RASAL2: variants seen among roughly 807,000 people sequenced by gnomAD.
RASAL2 encodes the protein RAS protein activator like 2.
Under a neutral mutation model 128.9 loss-of-function variants are expected in RASAL2, and 58 were observed. The ratio of observed to expected loss-of-function variants is 0.45; its 90% confidence interval spans 0.36 to 0.56. The LOEUF is 0.56. Ranked by LOEUF, RASAL2 falls within the 20% of genes least tolerant of loss-of-function variation. RASAL2 has a pLI of 0.00. For missense variants in RASAL2, 1,360 were observed against 1,601.6 expected, an observed-to-expected ratio of 0.85 and a Z score of 2.57; for synonymous variants, 561 against 580.8, an observed-to-expected ratio of 0.97 and a Z score of 0.49.
chr1:178,192,240 T>G (rs1039769746), intron 1 of RASAL2, among the ~76,000 whole-genome samples: 3 of 152,204 alleles, frequency 2.0e-5, no homozygotes, highest in African/African-American at 7.2e-5. Flanking sequence ...TGTTAATATT[T>G]GGTATCTTGT....
At chr1:178,465,401 G>A (rs1647566550) in intron 15 of RASAL2, among the ~76,000 whole-genome samples, 1 of 152,184 alleles carries the variant, frequency 6.6e-6, no homozygotes, top group South Asian at 2.1e-4. Flanking sequence ...GCTGATTCTA[G>A]TAGAACAAAG....
intron 3 of RASAL2, among the ~76,000 whole-genome samples, chr1:178,331,088 CCTA>C (rs1336837745): frequency 6.6e-6 from 1 of 152,172 alleles, no homozygotes; most frequent in Non-Finnish European, 1.5e-5. Context: ...GGAATTTGGC[CCTA>C]AAGTCAGTCC....
chr1:178,306,521 A>G (rs1272578231), intron 3 of RASAL2, among the ~76,000 whole-genome samples: 2 of 152,102 alleles, frequency 1.3e-5, no homozygotes, highest in African/African-American at 4.8e-5. Context: ...CCAATAGTGT[A>G]AAAGTGTTCC....
At chr1:178,349,231 C>G (rs1322886174) in intron 3 of RASAL2, among the ~76,000 whole-genome samples, 1 of 144,614 alleles carries the variant, frequency 6.9e-6, no homozygotes, top group Non-Finnish European at 1.5e-5. Flanking sequence ...CCGTCCTGGC[C>G]AACATGGTGA....
At position 178,245,784 on chromosome 1, in the gene RASAL2, A is replaced by C. The variant is rs1571696085; in HGVS notation, c.203-37780A>C. On this transcript the variant is annotated intron_variant, in intron 1 of 17. Transcript: ENST00000367649. Reference sequence around the variant, plus strand: ...GGGGTCCAGTTTCTGTTTTCTGCATACGGCTAGCCAGTTTTCCCAGCACCA... The same window carrying C: ...GGGGTCCAGTTTCTGTTTTCTGCATCCGGCTAGCCAGTTTTCCCAGCACCA... Among the ~76,000 whole-genome samples the C allele has an allele frequency of 2.6e-5, 4 of 152,212 alleles. No individual in the cohort carries two copies. The East Asian group carries it at 7.7e-4, about 29-fold the overall frequency.
At chr1:178,181,899 A>G (rs1273369763) in intron 1 of RASAL2, among the ~76,000 whole-genome samples, 2 of 152,052 alleles carry the variant, frequency 1.3e-5, no homozygotes, top group Admixed American at 6.5e-5. Flanking sequence ...ATGACTTAAC[A>G]TTGTTAATGT....
Position 178,294,529 on chromosome 1 carries a change from A to G in RASAL2, c.331-5463A>G, listed in dbSNP as rs183489500. Among the ~76,000 whole-genome samples the G allele has an allele frequency of 1.5e-3, 225 of 152,342 alleles. 1 individual carries two copies. Among genetic ancestry groups the G allele is most frequent in the African/African-American group, 5.1e-3 (211 of 41,578 alleles). ...TAAATAGAGGCTTTTGGCACCAGCTATGACAGAATGACTGGTGCAAGATGG... is the reference window on the plus strand; with the variant it reads ...TAAATAGAGGCTTTTGGCACCAGCTGTGACAGAATGACTGGTGCAAGATGG... On this transcript the variant is annotated intron_variant, in intron 2 of 17. Transcript: ENST00000367649.
chr1:178,309,184 G>A (rs554535928), intron 3 of RASAL2, among the ~76,000 whole-genome samples: 1 of 151,970 alleles, frequency 6.6e-6, no homozygotes. Flanking sequence ...ATAATATCCT[G>A]GTATTTCTAG....
chr1:178,424,118 T>G lies in RASAL2; in HGVS notation c.674+3498T>G, dbSNP rs958624432. 4.8e-4 allele frequency among the ~76,000 whole-genome samples: 73 copies of G among 152,314 alleles called. 1 individual carries two copies. The highest frequency in any genetic ancestry group is 1.6e-3 in the African/African-American group (67 of 41,576). ...CTTTATGATACTCTGCAAATTACTT[T>G]ATTTTTCCCTTCTTCAAAAGGGAGA... is the stretch of plus-strand genomic sequence containing the variant. On this transcript the variant is annotated intron_variant, in intron 5 of 17. Coordinates refer to ENST00000367649, the MANE Select transcript of RASAL2 (RefSeq NM_170692.4).
chr1:178,269,249 CCTTGAT>C (rs1302147121), intron 1 of RASAL2, among the ~76,000 whole-genome samples: 1 of 152,196 alleles, frequency 6.6e-6, no homozygotes, highest in Non-Finnish European at 1.5e-5. Context: ...TTGGCCAGTA[CCTTGAT>C]CTTGGACTTC....
intron 3 of RASAL2, among the ~76,000 whole-genome samples, chr1:178,389,073 G>A (rs1672746186): frequency 6.6e-6 from 1 of 152,172 alleles, no homozygotes; most frequent in African/African-American, 2.4e-5. Context: ...GGCCAGAAAT[G>A]GAAGTTTAAA....
Position 178,094,211 on chromosome 1 carries a change from A to T in RASAL2, c.-282A>T. On this transcript the variant is annotated 5_prime_UTR_variant, in exon 1 of 18. Transcript: ENST00000367649. ...GGGTTCTTCTGCGTCCTCTCCCGGG[A>T]GGGACCCACACACACCTGAGCCCGG... The T allele has an allele frequency of 2.2e-6, 1 of 452,254 alleles. No individual in the cohort carries two copies. The highest frequency in any genetic ancestry group is 4.4e-5 in the Admixed American group (1 of 22,878). The allele number at this position is 452,254 out of a possible 1,614,324, so 28.0% of individuals were successfully genotyped here.
At chr1:178,446,063 A>G (rs1482256624) in intron 9 of RASAL2, among the ~76,000 whole-genome samples, 1 of 152,196 alleles carries the variant, frequency 6.6e-6, no homozygotes. Context: ...TCAAAAGTGA[A>G]GAAACTCTTG....
intron 1 of RASAL2, among the ~76,000 whole-genome samples, chr1:178,122,766 T>G (rs750282882): frequency 1.1e-4 from 17 of 152,156 alleles, no homozygotes; most frequent in Non-Finnish European, 2.1e-4. Flanking sequence ...AGGGAAAGAT[T>G]AATGGTTTGG....
intron 3 of RASAL2, among the ~76,000 whole-genome samples, chr1:178,330,801 C>T (rs1474083250): frequency 2.6e-5 from 4 of 151,976 alleles, no homozygotes; most frequent in Non-Finnish European, 5.9e-5. Flanking sequence ...TCCTTTTTTT[C>T]ACCTTTCATC....
rs574938286 is a variant in RASAL2, at chr1:178,094,522, C to G, written c.30C>G (p.Ala10=). 1.7e-5 allele frequency: 26 copies of G among 1,569,184 alleles called. No homozygotes were observed. Among genetic ancestry groups the G allele is most frequent in the East Asian group, 9.5e-5 (4 of 41,926 alleles). Residue 10 remains alanine, a synonymous_variant, in exon 1 of 18, where the codon GCC becomes GCG. Coordinates refer to ENST00000367649, the MANE Select transcript of RASAL2 (RefSeq NM_170692.4). MELSPSSGG[A]AEALSWPEMF... ...AGCTCTCTCCGTCGTCCGGAGGAGC[C>G]GCGGAGGCGCTGTCCTGGCCGGAGA...
intron 1 of RASAL2, among the ~76,000 whole-genome samples, chr1:178,207,525 A>G (rs1388382868): frequency 6.6e-6 from 1 of 152,200 alleles, no homozygotes; most frequent in Non-Finnish European, 1.5e-5. Context: ...GAGCATCCTC[A>G]TATTTTGGTA....
chr1:178,099,464 T>C (rs947350207), intron 1 of RASAL2, among the ~76,000 whole-genome samples: 1 of 152,208 alleles, frequency 6.6e-6, no homozygotes, highest in Non-Finnish European at 1.5e-5. Context: ...AATTTGTATG[T>C]CTTATTTAAA....
At chr1:178,219,753 A>T (rs1409898215) in intron 1 of RASAL2, among the ~76,000 whole-genome samples, 2 of 152,158 alleles carry the variant, frequency 1.3e-5, no homozygotes, top group Non-Finnish European at 2.9e-5. Flanking sequence ...CACTAAGCTT[A>T]ATCATTTCTA....
Sources: allele counts gnomAD v4.1 joint callset (sites outside exome capture counted in the v4.1 genomes callset), GRCh38; gene constraint gnomAD v4.1.1; transcripts MANE v1.5; gene names NCBI Gene and HGNC (gene_info 2026-07-23, HGNC 2026-07-21).